The following REG4 variants were observed in gnomAD, a reference collection of about 807,000 sequenced individuals.
The protein encoded by REG4 is regenerating family member 4, also known as regenerating islet-derived protein 4.
A neutral mutation model predicts 22.3 loss-of-function variants in REG4; 16 were observed. The ratio of observed to expected loss-of-function variants is 0.72; its 90% CI spans 0.49 to 1.09. The LOEUF is 1.09. REG4 is among the 50% of genes least tolerant of loss of function. REG4 has a pLI of 0.00. For synonymous variants in REG4, 71 were observed against 69.2 expected (o/e 1.03, Z -0.13); for missense variants, 214 against 193.9 (o/e 1.10, Z -0.61).
chr1:119,799,731 T>C lies in REG4; in HGVS notation c.297A>G (p.Pro99=). 1 of 1,613,766 alleles carries C rather than the reference T, an allele frequency of 6.2e-7. No homozygotes were observed. Among genetic ancestry groups the C allele is most frequent in the Non-Finnish European group, 8.5e-7 (1 of 1,179,880 alleles). ...SQPIWIGLHD[P]QKRQQWQWID... is the part of the protein sequence containing the mutation. The stretch of plus-strand genomic sequence containing the variant: ...TGGCCAAGTCTGAGGTTACCTTCTG[T>C]GGGTCGTGCAGGCCAATCCATATCG... The change falls in exon 4 of 6, where the codon CCA becomes CCG. Residue 99 remains proline (P), a synonymous_variant. Transcript: ENST00000256585.
chr1:119,794,352 A>G lies in REG4; in HGVS notation c.*266T>C. ...TCATAGGCTGGAGATGCACTCTTCT[A>G]GACTGCTCGAGACAGCCAGAGACAG... On this transcript the variant is annotated 3_prime_UTR_variant, in exon 6 of 6. Coordinates refer to ENST00000256585, the MANE Select transcript of REG4 (RefSeq NM_032044.4). 1 of 592,584 alleles carries G rather than the reference A, an allele frequency of 1.7e-6. No homozygotes were observed. Among genetic ancestry groups the G allele is most frequent in the Non-Finnish European group, 3.1e-6 (1 of 318,038 alleles). 36.7% of individuals were successfully genotyped at this position (592,584 alleles called of 1,614,324 possible).
chr1:119,804,233 A>G (rs1468277249), intron 2 of REG4, among the ~76,000 whole-genome samples: 2 of 152,214 alleles, frequency 1.3e-5, no homozygotes, highest in African/African-American at 2.4e-5. Flanking sequence ...CTCTCTCCTC[A>G]TTCAAATGAT....
At chr1:119,797,461 A>T (rs997653703) in intron 5 of REG4, among the ~76,000 whole-genome samples, 10 of 152,118 alleles carry the variant, frequency 6.6e-5, no homozygotes, top group Admixed American at 5.2e-4. Flanking sequence ...TTCCTCTGAC[A>T]ACAGTAAACT....
chr1:119,808,322 A>G (rs1654386892), intron 2 of REG4, among the ~76,000 whole-genome samples: 1 of 152,238 alleles, frequency 6.6e-6, no homozygotes, highest in South Asian at 2.1e-4. Context: ...GCAAACTGGA[A>G]TCCCTAATAA....
Position 119,808,765 on chromosome 1 carries a change from GCCATCTT to G in REG4, c.-3_4del. 6.2e-7 allele frequency: 1 copy of G among 1,613,314 alleles called. No homozygotes were observed. Among genetic ancestry groups the G allele is most frequent in the Non-Finnish European group, 8.5e-7 (1 of 1,179,330 alleles). ...TAGGAGCAGCCGCATGCTTCTGGAA[GCCATCTT>G]CCTCCTACCCTGAGGATGTAGCTAG... On this transcript the variant is annotated start_lost and 5_prime_UTR_variant, in exon 2 of 6. Transcript: ENST00000256585.
intron 5 of REG4, among the ~76,000 whole-genome samples, chr1:119,796,857 G>A (rs1318869791): frequency 6.6e-6 from 1 of 152,182 alleles, no homozygotes; most frequent in Non-Finnish European, 1.5e-5. Flanking sequence ...TCGACTCACA[G>A]GGAAAGGACT....
chr1:119,810,257 G>A (rs1460513903), intron 1 of REG4, among the ~76,000 whole-genome samples: 2 of 151,698 alleles, frequency 1.3e-5, no homozygotes, highest in Non-Finnish European at 2.9e-5. Flanking sequence ...CATCTGTCTG[G>A]GCTTTGTTTT....
intron 5 of REG4, among the ~76,000 whole-genome samples, chr1:119,796,821 G>A (rs139532247): frequency 2.6e-5 from 4 of 152,252 alleles, no homozygotes; most frequent in East Asian, 1.9e-4. Flanking sequence ...AGGCAACTTC[G>A]CTACTGAATT....
Position 119,808,868 on chromosome 1 carries a change from A to G in REG4, c.-94-5T>C. On this transcript the variant is annotated splice_region_variant and splice_polypyrimidine_tract_variant and intron_variant, in intron 1 of 5. Coordinates refer to ENST00000256585, the MANE Select transcript of REG4 (RefSeq NM_032044.4). ...GGTTCTCCTTGATCTGCAAATCTGAACACATTTGCACAGGTGAGAAGGACC... is the reference window on the plus strand; with the variant it reads ...GGTTCTCCTTGATCTGCAAATCTGAGCACATTTGCACAGGTGAGAAGGACC... 1 of 749,686 alleles carries G rather than the reference A, an allele frequency of 1.3e-6. No individual in the cohort carries two copies. 46.4% of individuals were successfully genotyped at this position (749,686 alleles called of 1,614,324 possible).
At chr1:119,800,140 T>A (rs901311723) in intron 3 of REG4, among the ~76,000 whole-genome samples, 4 of 152,218 alleles carry the variant, frequency 2.6e-5, no homozygotes, top group Non-Finnish European at 5.9e-5. Flanking sequence ...GTGGTTTATG[T>A]GACCTTGACA....
chr1:119,798,585 C>A lies in REG4; in HGVS notation c.321G>T (p.Trp107Cys), dbSNP rs1170948611. 6.2e-7 allele frequency: 1 copy of A among 1,614,184 alleles called. No individual in the cohort carries two copies. The highest frequency in any genetic ancestry group is 2.2e-5 in the East Asian group (1 of 44,888). Reference sequence around the variant, plus strand: ...TGTACAGATACATGGCCCCATCAATCCACTGCCACTGCTGCCTCTGCAACA... The same window carrying A: ...TGTACAGATACATGGCCCCATCAATACACTGCCACTGCTGCCTCTGCAACA... ...HDPQKRQQWQ[W>C]IDGAMYLYRS... Residue 107 changes from tryptophan to cysteine, a missense_variant, in exon 5 of 6, where the codon TGG (tryptophan) becomes TGT (cysteine). Coordinates refer to ENST00000256585, the MANE Select transcript of REG4 (RefSeq NM_032044.4).
At chr1:119,802,949 A>G (rs1291928672) in intron 3 of REG4, 119 bp downstream of exon 3, 2 of 1,566,898 alleles carry the variant, frequency 1.3e-6, no homozygotes, top group Non-Finnish European at 1.7e-6. Context: ...CACCAGCCAA[A>G]GGGGCTTCTC....
chr1:119,798,912 G>T (rs181147681), intron 4 of REG4, among the ~76,000 whole-genome samples: 43 of 151,896 alleles, frequency 2.8e-4, no homozygotes, highest in African/African-American at 9.9e-4. Context: ...CATTAAAAAC[G>T]AAATAATTGT....
chr1:119,798,657 C>G (rs587605382), intron 4 of REG4, 55 bp from the exon 5 acceptor site: 1 of 1,352,668 alleles, frequency 7.4e-7, no homozygotes, highest in Non-Finnish European at 1.1e-6. Context: ...CTGCCACAGC[C>G]AAGGAAGTCC....
intron 5 of REG4, among the ~76,000 whole-genome samples, chr1:119,796,930 G>A (rs587608280): frequency 7.9e-5 from 12 of 152,344 alleles, no homozygotes; most frequent in African/African-American, 2.6e-4. Flanking sequence ...GACTTAGGGA[G>A]GCATCTGGTC....
intron 5 of REG4, 105 bp from the exon 6 acceptor site, chr1:119,794,790 T>C (rs1653885858): frequency 1.0e-6 from 1 of 959,282 alleles, no homozygotes. Flanking sequence ...AATATGATGG[T>C]TGACTTTATG....
At chr1:119,799,341 A>T (rs1366834897) in intron 4 of REG4, among the ~76,000 whole-genome samples, 2 of 152,130 alleles carry the variant, frequency 1.3e-5, no homozygotes, top group African/African-American at 4.8e-5. Flanking sequence ...GCTAGCTGAA[A>T]GTTTTCAACT....
intron 1 of REG4, among the ~76,000 whole-genome samples, chr1:119,809,847 C>A (rs1201489796): frequency 6.6e-6 from 1 of 152,056 alleles, no homozygotes; most frequent in Non-Finnish European, 1.5e-5. Context: ...TTAATTTTGT[C>A]AAGTTTTTGG....
chr1:119,808,820 C>A lies in REG4; in HGVS notation c.-51G>T. ...TAGTGCAAGGATCTCAGAGACCTTA[C>A]TAGCGCTTCTTTGAAACTCCTGGGT... On this transcript the variant is annotated 5_prime_UTR_variant, in exon 2 of 6. Coordinates refer to ENST00000256585, the MANE Select transcript of REG4 (RefSeq NM_032044.4). The A allele has an allele frequency of 7.2e-7, 1 of 1,380,004 alleles. No individual in the cohort carries two copies. Among genetic ancestry groups the A allele is most frequent in the Non-Finnish European group, 1.0e-6 (1 of 973,530 alleles). The allele number at this position is 1,380,004 out of a possible 1,614,324, so 85.5% of individuals were successfully genotyped here.
Sources: allele counts gnomAD v4.1 joint callset (sites outside exome capture counted in the v4.1 genomes callset), GRCh38; gene constraint gnomAD v4.1.1; transcripts MANE v1.5; gene names NCBI Gene and HGNC (gene_info 2026-07-23, HGNC 2026-07-21).